CIMIP2C: variants seen among roughly 807,000 people sequenced by gnomAD.
The protein encoded by CIMIP2C is UPF0573 protein C2orf70.
chr2:26,562,791 G>T, the CIMIP2C span: 2 of 998,676 alleles, frequency 2.0e-6, no homozygotes, highest in Non-Finnish European at 3.1e-6. Context: ...AAGGAACCCC[G>T]AGGAGCCAAT....
At chr2:26,572,996 G>A in the CIMIP2C span, among the ~76,000 whole-genome samples, 1 of 152,234 alleles carries the variant, frequency 6.6e-6, no homozygotes. Flanking sequence ...GTGCTCTCAG[G>A]AACTTGCTTA....
At chr2:26,570,138 C>T in the CIMIP2C span, among the ~76,000 whole-genome samples, 1 of 152,206 alleles carries the variant, frequency 6.6e-6, no homozygotes, top group Non-Finnish European at 1.5e-5. Context: ...GAGGAGAGGG[C>T]TTCTATTCTA....
chr2:26,569,323 G>A, the CIMIP2C span, among the ~76,000 whole-genome samples: 36 of 152,296 alleles, frequency 2.4e-4, no homozygotes, highest in Non-Finnish European at 4.7e-4. Context: ...TGGGAAAACT[G>A]TGATGACAGT....
the CIMIP2C span, among the ~76,000 whole-genome samples, chr2:26,565,052 TCC>T: frequency 2.6e-5 from 4 of 151,622 alleles, no homozygotes; most frequent in Admixed American, 1.3e-4. Context: ...CTTCTCCTTC[TCC>T]TTCTTCTTCC....
chr2:26,575,227 G>A, the CIMIP2C span, among the ~76,000 whole-genome samples: 964 of 152,296 alleles, frequency 6.3e-3, 10 homozygotes, highest in African/African-American at 0.021. Flanking sequence ...TCTGAGTAGC[G>A]TGTTGGGAGG....
the CIMIP2C span, among the ~76,000 whole-genome samples, chr2:26,565,035 C>G: frequency 7.5e-6 from 1 of 133,456 alleles, no homozygotes; most frequent in Admixed American, 7.0e-5. Flanking sequence ...TTCTTCTTCT[C>G]CTTCTCCTTC....
the CIMIP2C span, among the ~76,000 whole-genome samples, chr2:26,564,221 T>A: frequency 2.0e-5 from 3 of 152,238 alleles, no homozygotes; most frequent in Non-Finnish European, 4.4e-5. Flanking sequence ...TGACTTTTTT[T>A]CTTAAGCCTC....
the CIMIP2C span, among the ~76,000 whole-genome samples, chr2:26,563,581 A>G: frequency 3.3e-5 from 5 of 152,350 alleles, no homozygotes; most frequent in Non-Finnish European, 5.9e-5. Flanking sequence ...TATAGAATGA[A>G]TGAATGATCC....
chr2:26,567,853 T>C, the CIMIP2C span, among the ~76,000 whole-genome samples: 126,966 of 152,170 alleles, frequency 0.83, 54,722 homozygotes, highest in Non-Finnish European at 0.94. Context: ...CAGGAGTTTC[T>C]AATCCTCCCA....
chr2:26,579,289 C>T, the CIMIP2C span: 67 of 1,613,962 alleles, frequency 4.2e-5, no homozygotes, highest in Middle Eastern at 8.3e-4. Flanking sequence ...CATCCTCACC[C>T]CTAGGCCTCC....
chr2:26,564,896 C>T, the CIMIP2C span, among the ~76,000 whole-genome samples: 3 of 152,280 alleles, frequency 2.0e-5, no homozygotes, highest in Non-Finnish European at 2.9e-5. Context: ...CTGAGCCCCA[C>T]GCTGGTGATT....
the CIMIP2C span, chr2:26,562,625 A>C: frequency 6.3e-7 from 1 of 1,583,800 alleles, no homozygotes; most frequent in South Asian, 1.2e-5. Flanking sequence ...GGCCTCCCGC[A>C]GCGCGGGCAC....
chr2:26,568,512 T>A, the CIMIP2C span, among the ~76,000 whole-genome samples: 1 of 152,184 alleles, frequency 6.6e-6, no homozygotes, highest in African/African-American at 2.4e-5. Context: ...TCCTGGAGAC[T>A]TGGGCTTTGC....
At chr2:26,567,170 G>A in the CIMIP2C span, among the ~76,000 whole-genome samples, 85 of 152,314 alleles carry the variant, frequency 5.6e-4, 1 homozygote, top group South Asian at 0.017. Flanking sequence ...TGGTTTGGCT[G>A]TGTCCCCACC....
chr2:26,563,307 C>A, the CIMIP2C span, among the ~76,000 whole-genome samples: 10 of 152,374 alleles, frequency 6.6e-5, no homozygotes, highest in East Asian at 1.9e-3. Context: ...GCCCTGAGCG[C>A]TGGCTTGCTG....
chr2:26,577,488 T>C, the CIMIP2C span: 4 of 1,598,666 alleles, frequency 2.5e-6, no homozygotes, highest in Admixed American at 5.0e-5. Context: ...ACTAACAACC[T>C]GTCATCTCTT....
At chr2:26,566,671 G>A in the CIMIP2C span, among the ~76,000 whole-genome samples, 1 of 152,184 alleles carries the variant, frequency 6.6e-6, no homozygotes, top group Admixed American at 6.5e-5. Context: ...TAGTAACGTG[G>A]CAAAATAATT....
At chr2:26,577,613 C>G in the CIMIP2C span, 1 of 1,613,772 alleles carries the variant, frequency 6.2e-7, no homozygotes, top group Non-Finnish European at 8.5e-7. Context: ...GAACGGTACC[C>G]CCTCCCCACC....
chr2:26,577,195 GCA>G, the CIMIP2C span, among the ~76,000 whole-genome samples: 1 of 152,208 alleles, frequency 6.6e-6, no homozygotes, highest in African/African-American at 2.4e-5. Flanking sequence ...GTGCCTGTGT[GCA>G]CAGCAGGTGT....
Sources: gnomAD v4.1 joint callset for allele counts (sites outside exome capture counted in the v4.1 genomes callset) on GRCh38, gnomAD v4.1.1 for gene constraint, MANE v1.5 for transcripts, NCBI Gene and HGNC (gene_info 2026-07-23, HGNC 2026-07-21) for gene names.